N4BP2L2: variants seen among roughly 807,000 people sequenced by gnomAD.
N4BP2L2 encodes NEDD4 binding protein 2 like 2, also known as NEDD4-binding protein 2-like 2.
In N4BP2L2, 50 loss-of-function variants were observed where a neutral mutation model predicts 56.2. The observed-to-expected ratio is 0.89, with a 90% CI of 0.71 to 1.13. The LOEUF (loss-of-function observed/expected upper bound fraction) is 1.13. Among genes scored for constraint, N4BP2L2 ranks in the 50% most tolerant of loss-of-function variants. N4BP2L2 has a pLI of 0.00. For missense variants in N4BP2L2, 689 were observed against 693.8 expected, an observed-to-expected ratio of 0.99 and a Z score of 0.08; for synonymous variants, 203 against 223.6, an observed-to-expected ratio of 0.91 and a Z score of 0.82.
exon 1 of N4BP2L2, chr13:32,538,634 G>A (rs2057239792): frequency 2.0e-6 from 2 of 985,328 alleles, no homozygotes; most frequent in South Asian, 4.7e-5. Context: ...CTACCCCTAC[G>A]CATTGACCTT....
At chr13:32,516,012 A>C (rs1346405982) in exon 6 of N4BP2L2, 1 of 152,304 alleles carries the variant, frequency 6.6e-6, no homozygotes, top group Non-Finnish European at 1.5e-5. Context: ...TGCTGGGATT[A>C]CAGGTGTTAG....
intron 6 of N4BP2L2, among the ~76,000 whole-genome samples, chr13:32,451,567 G>A (rs907042085): frequency 3.3e-5 from 5 of 151,626 alleles, no homozygotes; most frequent in African/African-American, 9.7e-5. Context: ...TTGGAGACAG[G>A]GTCTCACTCT....
chr13:32,442,714 T>C, exon 7 of N4BP2L2: 1 of 1,613,696 alleles, frequency 6.2e-7, no homozygotes, highest in East Asian at 2.2e-5. Context: ...AAAAGATGGC[T>C]TCCAAATACT....
intron 1 of N4BP2L2, among the ~76,000 whole-genome samples, 176 bp from the exon 2 acceptor site, chr13:32,537,203 A>G (rs1453285480): frequency 6.6e-6 from 1 of 152,052 alleles, no homozygotes; most frequent in Admixed American, 6.6e-5. Flanking sequence ...TACAGTCACA[A>G]CATGGTGGTT....
chr13:32,500,660 G>C (rs1426279721), intron 6 of N4BP2L2, among the ~76,000 whole-genome samples: 1 of 150,992 alleles, frequency 6.6e-6, no homozygotes, highest in Non-Finnish European at 1.5e-5. Flanking sequence ...CAAGGCTGCA[G>C]TGAGCTATGA....
At chr13:32,474,066 C>T (rs1291717484) in intron 6 of N4BP2L2, among the ~76,000 whole-genome samples, 1 of 152,108 alleles carries the variant, frequency 6.6e-6, no homozygotes, top group Non-Finnish European at 1.5e-5. Flanking sequence ...ATAAGGGTAT[C>T]ATGGTTATGA....
intron 6 of N4BP2L2, among the ~76,000 whole-genome samples, chr13:32,449,914 A>T (rs989196743): frequency 1.3e-5 from 2 of 152,188 alleles, no homozygotes; most frequent in African/African-American, 2.4e-5. Context: ...GTGGAAAAAA[A>T]TTTTTTTAAA....
intron 6 of N4BP2L2, among the ~76,000 whole-genome samples, chr13:32,487,480 A>G (rs540960273): frequency 6.6e-6 from 1 of 151,756 alleles, no homozygotes; most frequent in African/African-American, 2.4e-5. Flanking sequence ...AAAAAAAAAA[A>G]AAAAGGAAAA....
chr13:32,478,159 A>G, intron 6 of N4BP2L2: 4 of 821,088 alleles, frequency 4.9e-6, no homozygotes, highest in Non-Finnish European at 6.6e-6. Flanking sequence ...AATCTCAACG[A>G]AGAACTTGGG....
intron 6 of N4BP2L2, among the ~76,000 whole-genome samples, chr13:32,445,000 C>T (rs1013681071): frequency 3.3e-5 from 5 of 152,210 alleles, no homozygotes; most frequent in Admixed American, 1.3e-4. Flanking sequence ...TGTAATCCCA[C>T]GACTTTGGGA....
chr13:32,532,966 C>T (rs528707016), intron 2 of N4BP2L2, among the ~76,000 whole-genome samples: 1 of 151,638 alleles, frequency 6.6e-6, no homozygotes, highest in South Asian at 2.1e-4. Context: ...TCAAGTGATG[C>T]TCCCCACCTC....
Position 32,436,271 on chromosome 13 carries a change from C to G in N4BP2L2, c.*21+90G>C, listed in dbSNP as rs898433900. 8 of 579,174 alleles carry G rather than the reference C, an allele frequency of 1.4e-5. No individual in the cohort carries two copies. The Admixed American group carries it at 2.4e-4, about 17-fold the overall frequency. 35.9% of individuals were successfully genotyped at this position (579,174 alleles called of 1,614,324 possible). On this transcript the variant is annotated intron_variant, in intron 9 of 9. Transcript: ENST00000357505. The stretch of plus-strand genomic sequence containing the variant: ...TTTTATATTTTACTCTCCAGTCGTG[C>G]TATAATACATATGAGCTATTACAAA...
chr13:32,490,747 T>C (rs1032766050), intron 6 of N4BP2L2, among the ~76,000 whole-genome samples: 4 of 152,146 alleles, frequency 2.6e-5, no homozygotes, highest in Admixed American at 1.3e-4. Flanking sequence ...GCAACCTAGA[T>C]CTCTCACATG....
chr13:32,432,767 A>G (rs995293589), exon 10 of N4BP2L2: 7 of 152,216 alleles, frequency 4.6e-5, no homozygotes, highest in Non-Finnish European at 7.3e-5. Flanking sequence ...CAAATTAGAC[A>G]ATAAAATGTT....
At chr13:32,452,153 C>T (rs146210838) in intron 6 of N4BP2L2, among the ~76,000 whole-genome samples, 2,000 of 151,884 alleles carry the variant, frequency 0.013, 19 homozygotes, top group Non-Finnish European at 0.019. Context: ...ACTCCGCCTC[C>T]CAGGTTCAAG....
At chr13:32,489,349 TAATAAC>T (rs1054159766) in intron 6 of N4BP2L2, among the ~76,000 whole-genome samples, 5 of 152,218 alleles carry the variant, frequency 3.3e-5, no homozygotes, top group Non-Finnish European at 5.9e-5. Context: ...CTATTGCCAG[TAATAAC>T]AATAACAACT....
exon 2 of N4BP2L2, chr13:32,536,217 C>T (rs2056517389): frequency 6.2e-7 from 1 of 1,613,862 alleles, no homozygotes; most frequent in African/African-American, 1.3e-5. Flanking sequence ...AAAGGATATA[C>T]TGACTGCCAT....
At chr13:32,457,125 C>A (rs145186554) in intron 6 of N4BP2L2, among the ~76,000 whole-genome samples, 3 of 151,936 alleles carry the variant, frequency 2.0e-5, no homozygotes, top group Non-Finnish European at 4.4e-5. Context: ...GGCAACAGAG[C>A]GAGACTCCAT....
chr13:32,503,812 G>C (rs566146605), intron 6 of N4BP2L2, among the ~76,000 whole-genome samples: 1 of 152,174 alleles, frequency 6.6e-6, no homozygotes, highest in South Asian at 2.1e-4. Context: ...TCGGGGGACC[G>C]AGGCAGGAGG....
Sources: gnomAD v4.1 joint callset for allele counts (sites outside exome capture counted in the v4.1 genomes callset) on GRCh38, gnomAD v4.1.1 for gene constraint, MANE v1.5 for transcripts, NCBI Gene and HGNC (gene_info 2026-07-23, HGNC 2026-07-21) for gene names.